Variants in DPP6 observed in about 807,000 individuals in gnomAD.
DPP6 encodes dipeptidyl peptidase like 6.
In DPP6, 69 loss-of-function variants were observed where a neutral mutation model predicts 122.6. That is an observed-to-expected ratio of 0.56 (90% CI 0.46 to 0.69). DPP6 has a LOEUF of 0.69. Ranked by LOEUF, DPP6 falls within the 30% of genes least tolerant of loss-of-function variation. DPP6 has a pLI of 0.00. For missense variants in DPP6, 928 were observed against 1,116.9 expected, an observed-to-expected ratio of 0.83 and a Z score of 2.41; for synonymous variants, 418 against 433.1, an observed-to-expected ratio of 0.97 and a Z score of 0.43.
chr7:154,590,130 G>A (rs1032454618), intron 5 of DPP6, among the ~76,000 whole-genome samples: 2 of 152,014 alleles, frequency 1.3e-5, no homozygotes, highest in Admixed American at 1.3e-4. Flanking sequence ...TTTGCTCTCG[G>A]GTACCACTAG....
chr7:154,278,366 G>C (rs888537800), intron 1 of DPP6, among the ~76,000 whole-genome samples: 2 of 152,180 alleles, frequency 1.3e-5, no homozygotes, highest in African/African-American at 4.8e-5. Context: ...TGCCCTCGTG[G>C]AAGACTTTGC....
the DPP6 span, among the ~76,000 whole-genome samples, chr7:153,759,063 G>T: frequency 1.3e-5 from 2 of 151,502 alleles, no homozygotes; most frequent in African/African-American, 4.8e-5. Context: ...TTCAATATGA[G>T]CCATTTAAAT....
At chr7:154,209,597 A>T (rs1227581064) in intron 1 of DPP6, among the ~76,000 whole-genome samples, 6 of 152,148 alleles carry the variant, frequency 3.9e-5, no homozygotes, top group Non-Finnish European at 8.8e-5. Context: ...AGATCCAGTG[A>T]TACCAAGCGT....
chr7:154,650,346 G>C (rs772480189), intron 6 of DPP6, among the ~76,000 whole-genome samples: 1 of 151,786 alleles, frequency 6.6e-6, no homozygotes, highest in African/African-American at 2.4e-5. Flanking sequence ...GAAAGGAGTG[G>C]AGAGGAGGGC....
At chr7:154,682,701 T>A (rs1473214924) in intron 7 of DPP6, among the ~76,000 whole-genome samples, 1 of 152,230 alleles carries the variant, frequency 6.6e-6, no homozygotes, top group Non-Finnish European at 1.5e-5. Context: ...ACAGGGCTCC[T>A]CCTTTGCAGA....
At chr7:154,728,486 G>A (rs193124146) in intron 8 of DPP6, among the ~76,000 whole-genome samples, 4 of 152,144 alleles carry the variant, frequency 2.6e-5, no homozygotes, top group Non-Finnish European at 5.9e-5. Flanking sequence ...CTTAAACTTT[G>A]ATAACCTGTC....
chr7:153,749,387 A>G, the DPP6 span, among the ~76,000 whole-genome samples: 2 of 152,042 alleles, frequency 1.3e-5, no homozygotes, highest in African/African-American at 4.8e-5. The surrounding 1 kb of genome is among the most constrained non-coding windows in gnomAD (Gnocchi z 4.1). Context: ...TTTCACAATC[A>G]GACCCCCCTG....
Position 154,893,421 on chromosome 7 carries a change from C to T in DPP6, c.*941C>T, listed in dbSNP as rs984712166. On this transcript the variant is annotated 3_prime_UTR_variant, in exon 26 of 26. Transcript: ENST00000377770. ...CAACCATCCTTGTCCTCCTTGGTAC[C>T]GTATCAAGCTCTTTCCCATGACATT... is the stretch of plus-strand genomic sequence containing the variant. The T allele has an allele frequency of 7.4e-6, 1 of 135,128 alleles. No homozygotes were observed. Among genetic ancestry groups the T allele is most frequent in the Non-Finnish European group, 1.5e-5 (1 of 65,340 alleles). The allele number at this position is 135,128 out of a possible 1,614,324, so 8.4% of individuals were successfully genotyped here.
chr7:153,766,437 TA>T, the DPP6 span, among the ~76,000 whole-genome samples: 40 of 152,222 alleles, frequency 2.6e-4, no homozygotes. Context: ...TCTACTCAGC[TA>T]TATCATTAAA....
chr7:154,270,484 A>G (rs931404184), intron 1 of DPP6, among the ~76,000 whole-genome samples: 1 of 152,046 alleles, frequency 6.6e-6, no homozygotes, highest in Non-Finnish European at 1.5e-5. Context: ...CTGAGAAACC[A>G]TGGGCTCCAG....
intron 1 of DPP6, among the ~76,000 whole-genome samples, chr7:154,271,845 A>G (rs1803814386): frequency 6.6e-6 from 1 of 152,232 alleles, no homozygotes; most frequent in Admixed American, 6.5e-5. Flanking sequence ...GAAGGAGGAC[A>G]GTATTATTCA....
the DPP6 span, among the ~76,000 whole-genome samples, chr7:153,792,546 T>A: frequency 6.3e-3 from 957 of 152,276 alleles, 4 homozygotes; most frequent in African/African-American, 0.022. Context: ...GATGTAAGGC[T>A]ACTCAAATAT....
the DPP6 span, among the ~76,000 whole-genome samples, chr7:153,803,674 GTA>G: frequency 2.0e-5 from 3 of 150,130 alleles, no homozygotes; most frequent in Admixed American, 1.3e-4. Flanking sequence ...ATATATATGT[GTA>G]TATATATATG....
At position 154,821,929 on chromosome 7, in the gene DPP6, C is replaced by T. The variant is rs897750456; in HGVS notation, c.1666+14817C>T. On this transcript the variant is annotated intron_variant, in intron 16 of 25. Transcript: ENST00000377770. The surrounding 1 kb of genome is among the most constrained non-coding windows in gnomAD (Gnocchi z 4.2). ...ACAGTAAGCCTTTGCAGACCCACAG[C>T]GGTGCTTCCGGTTAAAAGCCAGTGT... 3.3e-5 allele frequency among the ~76,000 whole-genome samples: 5 copies of T among 152,076 alleles called. No homozygotes were observed. The highest frequency in any genetic ancestry group is 1.9e-4 in the East Asian group (1 of 5,188).
chr7:154,198,596 G>T (rs1798997630), intron 1 of DPP6, among the ~76,000 whole-genome samples: 1 of 152,170 alleles, frequency 6.6e-6, no homozygotes, highest in Admixed American at 6.5e-5. Context: ...TTACAGGCGT[G>T]AGCCACTGCA....
intron 5 of DPP6, among the ~76,000 whole-genome samples, chr7:154,569,027 C>T (rs1440810867): frequency 6.6e-6 from 1 of 152,078 alleles, no homozygotes; most frequent in Non-Finnish European, 1.5e-5. Context: ...TGTGTCTTCT[C>T]TCTGAACTCC....
At chr7:154,578,321 A>G (rs1443461822) in intron 5 of DPP6, among the ~76,000 whole-genome samples, 1 of 152,254 alleles carries the variant, frequency 6.6e-6, no homozygotes, top group African/African-American at 2.4e-5. Context: ...TGCACAGCAT[A>G]GCAAGTGCCT....
At chr7:154,328,997 G>C (rs738051) in intron 1 of DPP6, among the ~76,000 whole-genome samples, 5 of 152,152 alleles carry the variant, frequency 3.3e-5, no homozygotes, top group African/African-American at 1.2e-4. Flanking sequence ...CTGTAAGTAG[G>C]GTTTTCCATC....
intron 21 of DPP6, chr7:154,883,786 TAC>T: frequency 8.2e-6 from 1 of 121,804 alleles, no homozygotes; most frequent in East Asian, 2.8e-4. Context: ...CTCACACAAT[TAC>T]ATACACCGAC....
Sources: gnomAD v4.1 joint callset for allele counts (sites outside exome capture counted in the v4.1 genomes callset) on GRCh38, gnomAD v4.1.1 for gene constraint, Gnocchi (gnomAD v3.1) non-coding constraint, MANE v1.5 for transcripts, NCBI Gene and HGNC (gene_info 2026-07-23, HGNC 2026-07-21) for gene names.